Variants in CRTC1 observed in about 807,000 individuals in gnomAD.
CRTC1 encodes the protein CREB-regulated transcription coactivator 1.
Under a neutral mutation model 66.1 loss-of-function variants are expected in CRTC1, and 18 were observed. The ratio of observed to expected loss-of-function variants is 0.27; its 90% CI spans 0.19 to 0.40. CRTC1 has a LOEUF of 0.40. CRTC1 is among the 10% of genes least tolerant of loss of function. The probability of loss-of-function intolerance (pLI) is 1.00; values close to 1 mark genes in which losing one functional copy is unlikely to be tolerated. For synonymous variants in CRTC1, 416 were observed against 398.8 expected, an observed-to-expected ratio of 1.04 and a Z score of -0.51; for missense variants, 669 against 887.9, an observed-to-expected ratio of 0.75 and a Z score of 3.13.
intron 10 of CRTC1, among the ~76,000 whole-genome samples, chr19:18,769,221 T>C (rs1314149438): frequency 6.6e-6 from 1 of 152,196 alleles, no homozygotes; most frequent in Non-Finnish European, 1.5e-5. Context: ...CGGCAGCCCG[T>C]TGGGCACAGC....
At chr19:18,766,295 T>TTTA (rs1238308567) in intron 9 of CRTC1, among the ~76,000 whole-genome samples, 110 of 142,214 alleles carry the variant, frequency 7.7e-4, no homozygotes, top group African/African-American at 2.8e-3. Flanking sequence ...TAATTTTTTT[T>TTTA]TTTTTTTTTT....
At chr19:18,738,391 G>A (rs780633948) in intron 1 of CRTC1, among the ~76,000 whole-genome samples, 5 of 152,086 alleles carry the variant, frequency 3.3e-5, no homozygotes, top group Admixed American at 6.6e-5. Flanking sequence ...ATTTTTGGCC[G>A]CATGAGGGTC....
chr19:18,770,570 T>C (rs1283314149), intron 10 of CRTC1, among the ~76,000 whole-genome samples: 2 of 152,130 alleles, frequency 1.3e-5, no homozygotes, highest in African/African-American at 4.8e-5. Context: ...CATGGCGGTG[T>C]GTGTGTGTGG....
At chr19:18,770,113 G>A (rs1043736424) in intron 10 of CRTC1, among the ~76,000 whole-genome samples, 4 of 146,086 alleles carry the variant, frequency 2.7e-5, no homozygotes, top group African/African-American at 5.0e-5. Context: ...GCCCTGGACC[G>A]GTCAGGCTGG....
chr19:18,739,315 C>G (rs779442816), intron 1 of CRTC1, among the ~76,000 whole-genome samples: 1 of 152,206 alleles, frequency 6.6e-6, no homozygotes, highest in African/African-American at 2.4e-5. Flanking sequence ...CAGAGCTAGC[C>G]GCTGGCTCCA....
rs2054102943 is a variant in CRTC1, at chr19:18,741,183, T to C, written c.127-1727T>C. ...GGGCTTGGGAACCATGAGAGTTCTGTGTGTCCCCAGTCCTGTAGATTGTCC... is the reference window on the plus strand; with the variant it reads ...GGGCTTGGGAACCATGAGAGTTCTGCGTGTCCCCAGTCCTGTAGATTGTCC... On this transcript the variant is annotated intron_variant, in intron 1 of 13. Coordinates refer to ENST00000321949, the MANE Select transcript of CRTC1 (RefSeq NM_015321.3). The surrounding 1 kb of genome is among the most constrained non-coding windows in gnomAD (Gnocchi z 4.2). Among the ~76,000 whole-genome samples the C allele has an allele frequency of 6.6e-6, 1 of 152,208 alleles. No individual in the cohort carries two copies. Among genetic ancestry groups the C allele is most frequent in the Admixed American group, 6.5e-5 (1 of 15,280 alleles).
chr19:18,777,156 CA>C lies in CRTC1; in HGVS notation c.1694-14del. 2.9e-6 allele frequency: 4 copies of C among 1,379,300 alleles called. No individual in the cohort carries two copies. The highest frequency in any genetic ancestry group is 1.2e-5 in the South Asian group (1 of 85,898). 85.4% of individuals were successfully genotyped at this position (1,379,300 alleles called of 1,614,324 possible). A position where few individuals can be genotyped will look rare whatever the true frequency, so the allele number is the denominator to read the frequency against. ...AGGGCTAAGCAGTGCCTTTTGTCCC[CA>C]CCCCATCCCCCAGTGACAGGAGAGT... On this transcript the variant is annotated splice_polypyrimidine_tract_variant and intron_variant, in intron 13 of 13. Coordinates refer to ENST00000321949, the MANE Select transcript of CRTC1 (RefSeq NM_015321.3). The surrounding 1 kb of genome is among the most constrained non-coding windows in gnomAD (Gnocchi z 5.5).
intron 1 of CRTC1, among the ~76,000 whole-genome samples, chr19:18,730,636 C>A (rs980578879): frequency 6.6e-6 from 1 of 152,174 alleles, no homozygotes; most frequent in Non-Finnish European, 1.5e-5. Flanking sequence ...CACTCCCACC[C>A]CTGCAGTTCC....
intron 1 of CRTC1, among the ~76,000 whole-genome samples, chr19:18,717,065 A>G (rs990354806): frequency 3.3e-5 from 5 of 151,816 alleles, no homozygotes; most frequent in Non-Finnish European, 7.4e-5. Flanking sequence ...TTATGTGACT[A>G]TGTGCATTGC....
chr19:18,702,764 C>T (rs1206776819), intron 1 of CRTC1, among the ~76,000 whole-genome samples: 1 of 151,830 alleles, frequency 6.6e-6, no homozygotes, highest in Non-Finnish European at 1.5e-5. Flanking sequence ...GAATTCCCAA[C>T]CTCAGGTGAT....
At chr19:18,709,955 C>T (rs1451762158) in intron 1 of CRTC1, among the ~76,000 whole-genome samples, 1 of 152,176 alleles carries the variant, frequency 6.6e-6, no homozygotes, top group African/African-American at 2.4e-5. Context: ...AGCGGCTTCT[C>T]GTCCCACCCA....
chr19:18,777,435 C>T lies in CRTC1; in HGVS notation c.*53C>T. The T allele has an allele frequency of 6.7e-7, 1 of 1,496,876 alleles. No individual in the cohort carries two copies. The highest frequency in any genetic ancestry group is 9.2e-7 in the Non-Finnish European group (1 of 1,087,718). The allele number at this position is 1,496,876 out of a possible 1,614,324, so 92.7% of individuals were successfully genotyped here. ...GCCGTCCCGACGGCGCCTCCCCAGC[C>T]CGGGGACGGCCGTGCTCCGTCCCTC... On this transcript the variant is annotated 3_prime_UTR_variant, in exon 14 of 14. Coordinates refer to ENST00000321949, the MANE Select transcript of CRTC1 (RefSeq NM_015321.3). The surrounding 1 kb of genome is among the most constrained non-coding windows in gnomAD (Gnocchi z 5.5).
chr19:18,697,765 A>G (rs1451311863), intron 1 of CRTC1, among the ~76,000 whole-genome samples: 1 of 152,228 alleles, frequency 6.6e-6, no homozygotes, highest in Non-Finnish European at 1.5e-5. Flanking sequence ...ACTGCTGCCA[A>G]GATGCTGGAG....
In CRTC1 at chr19:18,780,308, C is replaced by G. The variant is rs545795686; in HGVS notation, c.*2926C>G. On this transcript the variant is annotated 3_prime_UTR_variant, in exon 14 of 14. Coordinates refer to ENST00000321949, the MANE Select transcript of CRTC1 (RefSeq NM_015321.3). Reference sequence around the variant, plus strand: ...CCTACGGCGAAGTTCAGCCAGGGCTCTCCCTCCTGAGAGCATGGCGTCCCC... The same window carrying G: ...CCTACGGCGAAGTTCAGCCAGGGCTGTCCCTCCTGAGAGCATGGCGTCCCC... The G allele has an allele frequency of 8.6e-6, 2 of 231,740 alleles. No homozygotes were observed. The highest frequency in any genetic ancestry group is 1.8e-4 in the South Asian group (1 of 5,524). The allele number at this position is 231,740 out of a possible 1,614,324, so 14.4% of individuals were successfully genotyped here.
At chr19:18,722,339 C>A (rs934038054) in intron 1 of CRTC1, among the ~76,000 whole-genome samples, 43 of 152,124 alleles carry the variant, frequency 2.8e-4, no homozygotes, top group Admixed American at 2.5e-3. Context: ...TGGAGAGTAT[C>A]CCCCAGACAT....
At chr19:18,717,319 G>A (rs1426704739) in intron 1 of CRTC1, among the ~76,000 whole-genome samples, 5 of 152,070 alleles carry the variant, frequency 3.3e-5, no homozygotes, top group African/African-American at 7.2e-5. Context: ...TGGGAGCCAG[G>A]ACTGGGTCTG....
intron 1 of CRTC1, among the ~76,000 whole-genome samples, chr19:18,706,180 G>A (rs2053259163): frequency 3.8e-5 from 1 of 26,362 alleles, no homozygotes; most frequent in Non-Finnish European, 7.7e-5. Context: ...TATTCCATTG[G>A]TCTTTTTTTT....
intron 1 of CRTC1, among the ~76,000 whole-genome samples, chr19:18,733,866 A>G (rs922817193): frequency 6.6e-5 from 10 of 152,348 alleles, no homozygotes; most frequent in African/African-American, 2.2e-4. Context: ...CTGTAATCCC[A>G]GCACTTTGGG....
chr19:18,698,133 C>CGCTCAGCTGGCGCAGCATGT (rs1160811678), intron 1 of CRTC1, among the ~76,000 whole-genome samples: 1 of 151,220 alleles, frequency 6.6e-6, no homozygotes, highest in African/African-American at 2.4e-5. Flanking sequence ...GTTCTGCAGG[C>CGCTCAGCTGGCGCAGCATGT]GCTCAGCTGG....
Sources: allele counts gnomAD v4.1 joint callset (sites outside exome capture counted in the v4.1 genomes callset), GRCh38; gene constraint gnomAD v4.1.1; non-coding constraint Gnocchi (gnomAD v3.1); transcripts MANE v1.5; gene names NCBI Gene and HGNC (gene_info 2026-07-23, HGNC 2026-07-21).